The following EFCAB13 variants were observed in gnomAD, a reference collection of about 807,000 sequenced individuals.
EFCAB13 encodes EF-hand calcium binding domain 13.
Under a neutral mutation model 110.2 loss-of-function variants are expected in EFCAB13, and 91 were observed. The ratio of observed to expected loss-of-function variants is 0.83; its 90% CI spans 0.70 to 0.98. EFCAB13 has a LOEUF of 0.98. EFCAB13 is among the 50% of genes least tolerant of loss of function. EFCAB13 has a pLI of 0.00. For missense variants in EFCAB13, 968 were observed against 1,119.4 expected (o/e 0.86, Z 1.93); for synonymous variants, 323 against 369.9 (o/e 0.87, Z 1.45).
intron 17 of EFCAB13, among the ~76,000 whole-genome samples, chr17:47,398,746 C>G (rs2143436047): frequency 6.6e-6 from 1 of 151,266 alleles, no homozygotes; most frequent in Middle Eastern, 3.4e-3. Flanking sequence ...CCTAGGAAAA[C>G]CAGAGACCTT....
chr17:47,357,715 A>G (rs1200050388), intron 9 of EFCAB13, among the ~76,000 whole-genome samples: 1 of 152,198 alleles, frequency 6.6e-6, no homozygotes, highest in African/African-American at 2.4e-5. Context: ...GTGCCCTGCT[A>G]CAAAACATAA....
chr17:47,371,853 A>G (rs2065586567), intron 11 of EFCAB13, among the ~76,000 whole-genome samples: 1 of 152,150 alleles, frequency 6.6e-6, no homozygotes, highest in African/African-American at 2.4e-5. Flanking sequence ...ACCTCAGGTG[A>G]TCCACCTGCC....
intron 14 of EFCAB13, among the ~76,000 whole-genome samples, chr17:47,388,480 G>C (rs1472121554): frequency 6.6e-6 from 1 of 152,082 alleles, no homozygotes; most frequent in Non-Finnish European, 1.5e-5. Flanking sequence ...TTTGTTTTTG[G>C]TTTTCAGTAG....
At chr17:47,430,019 G>A (rs1257994394) in intron 24 of EFCAB13, 58 bp downstream of exon 24, 1 of 1,492,110 alleles carries the variant, frequency 6.7e-7, no homozygotes, top group East Asian at 2.4e-5. Context: ...AGGGGTGGAA[G>A]GTCTATGGGT....
chr17:47,349,470 C>T (rs2065435949), intron 9 of EFCAB13, among the ~76,000 whole-genome samples: 1 of 152,164 alleles, frequency 6.6e-6, no homozygotes, highest in Admixed American at 6.5e-5. Context: ...ATTCTTATTA[C>T]TGCTGGAACA....
chr17:47,390,299 C>T (rs183174343), intron 14 of EFCAB13, among the ~76,000 whole-genome samples: 11 of 151,962 alleles, frequency 7.2e-5, no homozygotes, highest in Non-Finnish European at 1.3e-4. Flanking sequence ...ACAATATACA[C>T]GCATACACAA....
intron 10 of EFCAB13, among the ~76,000 whole-genome samples, chr17:47,368,845 G>T (rs1453578397): frequency 2.0e-5 from 3 of 152,136 alleles, no homozygotes; most frequent in Non-Finnish European, 4.4e-5. Flanking sequence ...AGTCAGAATG[G>T]GAAAGACAAC....
At chr17:47,402,283 T>G in intron 18 of EFCAB13, 80 bp downstream of exon 18, 1 of 1,279,280 alleles carries the variant, frequency 7.8e-7, no homozygotes, top group Non-Finnish European at 1.1e-6. Context: ...TAATGCTGTG[T>G]GTTCACCTAA....
chr17:47,382,769 T>G (rs1481496907), intron 14 of EFCAB13, among the ~76,000 whole-genome samples: 1 of 152,092 alleles, frequency 6.6e-6, no homozygotes, highest in Admixed American at 6.5e-5. Context: ...TTCTGCCTGG[T>G]TTTGGTATCA....
chr17:47,374,915 A>G lies in EFCAB13; in HGVS notation c.1321A>G (p.Ser441Gly). ...LQKPAVRKHS[S>G]LQKQVSSTEK... ...GAAGCCAGCTGTAAGAAAGCATTCCAGTCTCCAAAAACAGGTTTCGTCTAC... is the reference window on the plus strand; with the variant it reads ...GAAGCCAGCTGTAAGAAAGCATTCCGGTCTCCAAAAACAGGTTTCGTCTAC... The change falls in exon 12 of 25, where the codon AGT becomes GGT. Residue 441 changes from serine to glycine, a missense_variant. Ser to Gly is a moderately conservative substitution (Grantham distance 56, BLOSUM62 0). Transcript: ENST00000331493. 6.2e-7 allele frequency: 1 copy of G among 1,600,776 alleles called. No homozygotes were observed.
intron 8 of EFCAB13, 121 bp from the exon 9 acceptor site, chr17:47,347,687 G>A: frequency 5.6e-6 from 4 of 710,094 alleles, no homozygotes; most frequent in Non-Finnish European, 7.9e-6. Context: ...AAACAAGTTT[G>A]AAAGGCTGAA....
intron 10 of EFCAB13, 68 bp downstream of exon 10, chr17:47,361,589 A>G (rs553329657): frequency 1.5e-6 from 2 of 1,360,684 alleles, no homozygotes; most frequent in African/African-American, 1.5e-5. Context: ...TTTTTTCCGG[A>G]TATCAATTTT....
Position 47,358,237 on chromosome 17 carries a change from C to A in EFCAB13, c.662-3141C>A, listed in dbSNP as rs900853119. 2.0e-5 allele frequency among the ~76,000 whole-genome samples: 3 copies of A among 152,016 alleles called. No individual in the cohort carries two copies. In the East Asian group the frequency reaches 5.8e-4, roughly 29 times the overall value. The stretch of plus-strand genomic sequence containing the variant: ...GCAAAATGAGTTATCAATTACTAGG[C>A]AGAGTGGAAGCAAAGGACCTAGGTC... On this transcript the variant is annotated intron_variant, in intron 9 of 24. Coordinates refer to ENST00000331493, the MANE Select transcript of EFCAB13 (RefSeq NM_152347.5).
At position 47,440,541 on chromosome 17, in the gene EFCAB13, G is replaced by A; in HGVS notation, c.2749G>A (p.Glu917Lys). 6.2e-7 allele frequency: 1 copy of A among 1,613,224 alleles called. No individual in the cohort carries two copies. The highest frequency in any genetic ancestry group is 8.5e-7 in the Non-Finnish European group (1 of 1,179,594). The change falls in exon 25 of 25, where the codon GAA becomes AAA. Residue 917 changes from glutamate to lysine, a missense_variant. Coordinates refer to ENST00000331493, the MANE Select transcript of EFCAB13 (RefSeq NM_152347.5). ...YLICTYCPDL[E>K]RQAVVYMLKT... The stretch of plus-strand genomic sequence containing the variant: ...AATATGTACTTATTGCCCAGATCTA[G>A]AAAGGCAAGCAGTGGTTTACATGTT...
chr17:47,422,799 A>G (rs558593845), intron 23 of EFCAB13, among the ~76,000 whole-genome samples: 1 of 152,342 alleles, frequency 6.6e-6, no homozygotes, highest in African/African-American at 2.4e-5. Flanking sequence ...ATATGCTTTC[A>G]GTTCTCACCA....
intron 24 of EFCAB13, among the ~76,000 whole-genome samples, chr17:47,435,560 A>G (rs990970732): frequency 6.6e-6 from 1 of 152,046 alleles, no homozygotes. Context: ...AGCTATTGTA[A>G]AAGGGGTTGA....
At chr17:47,370,134 T>A (rs761575573) in intron 10 of EFCAB13, among the ~76,000 whole-genome samples, 6 of 152,172 alleles carry the variant, frequency 3.9e-5, no homozygotes, top group Non-Finnish European at 1.5e-5. Context: ...AATAAATACC[T>A]GTAATAAACT....
chr17:47,380,428 G>T (rs182238904), intron 14 of EFCAB13, among the ~76,000 whole-genome samples: 35 of 152,318 alleles, frequency 2.3e-4, no homozygotes, highest in African/African-American at 7.9e-4. Flanking sequence ...TGTTATGGCT[G>T]CATAGTAGTC....
chr17:47,344,842 G>A (rs1251252366), intron 7 of EFCAB13, among the ~76,000 whole-genome samples, 174 bp from the exon 8 acceptor site: 2 of 152,066 alleles, frequency 1.3e-5, no homozygotes, highest in African/African-American at 2.4e-5. Context: ...AAAATATCTC[G>A]AAAAGAAATA....
Sources: gnomAD v4.1 joint callset for allele counts (sites outside exome capture counted in the v4.1 genomes callset) on GRCh38, gnomAD v4.1.1 for gene constraint, MANE v1.5 for transcripts, NCBI Gene and HGNC (gene_info 2026-07-23, HGNC 2026-07-21) for gene names.